The following STK3 variants were observed in gnomAD, a reference collection of about 807,000 sequenced individuals.
STK3 encodes the protein serine/threonine-protein kinase 3.
In STK3, 41 loss-of-function variants were observed where a neutral mutation model predicts 58.0. That is an observed-to-expected ratio of 0.71 (90% CI 0.55 to 0.92). STK3 has a LOEUF of 0.92. Ranked by LOEUF, STK3 falls within the 40% of genes least tolerant of loss-of-function variation. STK3 has a pLI of 0.00. For missense variants in STK3, 479 were observed against 602.7 expected (o/e 0.79, Z 2.15); for synonymous variants, 170 against 191.0 (o/e 0.89, Z 0.91).
At chr8:98,829,942 A>G (rs933104086), upstream of STK3, among the ~76,000 whole-genome samples, 1 of 152,160 alleles carries the variant, frequency 6.6e-6, no homozygotes, top group African/African-American at 2.4e-5. Flanking sequence ...GTGGAGGGGA[A>G]GAGGCCGGAC....
At chr8:98,411,139 G>T (rs906324407) in intron 3 of STK3, among the ~76,000 whole-genome samples, 2 of 152,148 alleles carry the variant, frequency 1.3e-5, no homozygotes, top group East Asian at 3.9e-4. Context: ...TTCAGCTCTT[G>T]CATAGTCAAA....
chr8:98,356,107 G>A, the STK3 span, among the ~76,000 whole-genome samples: 1 of 152,240 alleles, frequency 6.6e-6, no homozygotes, highest in Non-Finnish European at 1.5e-5. Flanking sequence ...ATACCATGCA[G>A]ATTGGGCTGG....
chr8:98,793,456 T>G (rs756498994), intron 1 of STK3, among the ~76,000 whole-genome samples: 1 of 152,168 alleles, frequency 6.6e-6, no homozygotes, highest in African/African-American at 2.4e-5. Context: ...GAGAATCACC[T>G]GAATCTGGGA....
intron 1 of STK3, among the ~76,000 whole-genome samples, chr8:98,906,973 A>C (rs553868702): frequency 4.0e-5 from 6 of 149,256 alleles, no homozygotes; most frequent in Non-Finnish European, 7.4e-5. Flanking sequence ...CATAGGGATA[A>C]CCCCATCTCT....
chr8:98,797,307 C>A (rs1833240224), intron 1 of STK3, among the ~76,000 whole-genome samples: 1 of 152,138 alleles, frequency 6.6e-6, no homozygotes, highest in African/African-American at 2.4e-5. Flanking sequence ...TGCCTGGAGT[C>A]AGAATGAAAA....
intron 6 of STK3, among the ~76,000 whole-genome samples, chr8:98,675,286 T>A (rs977732816): frequency 6.6e-6 from 1 of 152,212 alleles, no homozygotes; most frequent in East Asian, 1.9e-4. Context: ...AAAATATACA[T>A]GTTATCTTTT....
At chr8:98,922,030 C>T (rs189759152) in intron 1 of STK3, among the ~76,000 whole-genome samples, 78 of 152,254 alleles carry the variant, frequency 5.1e-4, no homozygotes, top group African/African-American at 1.8e-3. Context: ...CTCCTTCTCA[C>T]TACAGAGGTT....
chr8:98,404,713 T>C (rs1452905870), intron 3 of STK3, among the ~76,000 whole-genome samples: 1 of 145,198 alleles, frequency 6.9e-6, no homozygotes, highest in Non-Finnish European at 1.5e-5. Flanking sequence ...TAGCTGGGTA[T>C]GGTGGTGCAT....
chr8:98,752,946 C>CAA (rs35305701), intron 3 of STK3, among the ~76,000 whole-genome samples: 5,282 of 128,296 alleles, frequency 0.041, 114 homozygotes, highest in South Asian at 0.083. Context: ...ATTAAAAAGT[C>CAA]AAAAAAAAAA....
intron 3 of STK3, among the ~76,000 whole-genome samples, chr8:98,395,652 CTT>C (rs1563591732): frequency 1.3e-5 from 2 of 152,254 alleles, no homozygotes; most frequent in Non-Finnish European, 2.9e-5. Flanking sequence ...GAACAGATAA[CTT>C]TTTTGTTGTT....
At chr8:98,749,246 A>G (rs757744321) in intron 4 of STK3, 30 bp downstream of exon 4, 1 of 1,455,876 alleles carries the variant, frequency 6.9e-7, no homozygotes, top group Non-Finnish European at 9.6e-7. Context: ...TTTAGAAATG[A>G]TATTAGCAAA....
At chr8:98,590,477 G>A (rs750816641) in intron 7 of STK3, among the ~76,000 whole-genome samples, 8 of 152,134 alleles carry the variant, frequency 5.3e-5, no homozygotes, top group Non-Finnish European at 8.8e-5. Context: ...TGGGAGTGGC[G>A]GATTTGAAAT....
At position 98,935,494 on chromosome 8, in the gene STK3, A is replaced by G. The variant is rs557321148; in HGVS notation, c.-79+6884T>C. ...CCCAAATTAATTGCATCATTATTTC[A>G]TTAGAGAATAGCATCCAAAATAATA... On this transcript the variant is annotated intron_variant, in intron 1 of 1. Coordinates refer to the STK3 transcript ENST00000519420. Among the ~76,000 whole-genome samples, 242 of 152,350 alleles carry G rather than the reference A, an allele frequency of 1.6e-3. 2 individuals carry two copies. The highest frequency in any genetic ancestry group is 3.9e-3 in the South Asian group (19 of 4,820).
At chr8:98,655,786 A>G (rs1821444819) in intron 6 of STK3, among the ~76,000 whole-genome samples, 1 of 152,146 alleles carries the variant, frequency 6.6e-6, no homozygotes, top group African/African-American at 2.4e-5. Flanking sequence ...CCACAATGAG[A>G]CACCATCTCA....
intron 6 of STK3, among the ~76,000 whole-genome samples, chr8:98,694,163 G>A (rs1394828025): frequency 2.0e-5 from 3 of 152,112 alleles, no homozygotes; most frequent in Non-Finnish European, 4.4e-5. Flanking sequence ...CTCCAAAAAG[G>A]GAGGTGGAAG....
chr8:98,648,108 CTAA>C (rs1820546126), intron 6 of STK3, among the ~76,000 whole-genome samples: 3 of 152,154 alleles, frequency 2.0e-5, no homozygotes, highest in Admixed American at 2.0e-4. Context: ...CAATGACAAC[CTAA>C]TATGTATCAC....
intron 6 of STK3, among the ~76,000 whole-genome samples, chr8:98,639,294 G>A (rs933528423): frequency 3.3e-5 from 5 of 151,976 alleles, no homozygotes; most frequent in Non-Finnish European, 7.4e-5. Context: ...TGTATGTTTT[G>A]TAGAGACAGG....
intron 6 of STK3, among the ~76,000 whole-genome samples, chr8:98,670,983 G>T (rs563565853): frequency 6.6e-6 from 1 of 152,286 alleles, no homozygotes; most frequent in African/African-American, 2.4e-5. Context: ...AGCCAGATGC[G>T]GCCTGGCAGG....
At chr8:98,833,950 A>G (rs986328484) in intron 3 of STK3, among the ~76,000 whole-genome samples, 27 of 152,174 alleles carry the variant, frequency 1.8e-4, no homozygotes, top group Non-Finnish European at 3.5e-4. Context: ...GTTTATGGCA[A>G]AGAGAACCAT....
Sources: gnomAD v4.1 joint callset for allele counts (sites outside exome capture counted in the v4.1 genomes callset) on GRCh38, gnomAD v4.1.1 for gene constraint, MANE v1.5 for transcripts, NCBI Gene and HGNC (gene_info 2026-07-23, HGNC 2026-07-21) for gene names.